CCDC63: variants seen among roughly 807,000 people sequenced by gnomAD.
CCDC63 encodes coiled-coil domain containing 63.
A neutral mutation model predicts 63.6 loss-of-function variants in CCDC63; 54 were observed. The ratio of observed to expected loss-of-function variants is 0.85; its 90% CI spans 0.68 to 1.07. CCDC63 has a LOEUF of 1.07. Ranked by LOEUF, CCDC63 falls within the 50% of genes least tolerant of loss-of-function variation. CCDC63 has a pLI of 0.00. For missense variants in CCDC63, 637 were observed against 689.6 expected (o/e 0.92, Z 0.86); for synonymous variants, 253 against 266.1 (o/e 0.95, Z 0.48).
chr12:110,893,025 TG>T, intron 8 of CCDC63, 50 bp from the exon 9 acceptor site: 1 of 1,445,230 alleles, frequency 6.9e-7, no homozygotes, highest in Non-Finnish European at 9.7e-7. Context: ...TTGGGAGCAG[TG>T]GGGAGGGAAG....
Position 110,881,141 on chromosome 12 carries a change from C to A in CCDC63, c.698C>A (p.Ala233Asp), listed in dbSNP as rs1167397300. 6.2e-7 allele frequency: 1 copy of A among 1,611,424 alleles called. No individual in the cohort carries two copies. Among genetic ancestry groups the A allele is most frequent in the Non-Finnish European group, 8.5e-7 (1 of 1,179,482 alleles). ...GTGGAGGCCATGGCTCGAATGGCTG[C>A]CATGAAAGACCGCCAGAAGAAGGAC... ...QRVEAMARMA[A>D]MKDRQKKDTS... Residue 233 changes from alanine (A) to aspartate (D), a missense_variant, in exon 7 of 12, where the codon GCC becomes GAC. Coordinates refer to ENST00000308208, the MANE Select transcript of CCDC63 (RefSeq NM_152591.3).
intron 5 of CCDC63, among the ~76,000 whole-genome samples, chr12:110,878,473 C>G (rs1472719460): frequency 6.6e-6 from 1 of 152,050 alleles, no homozygotes; most frequent in African/African-American, 2.4e-5. Flanking sequence ...TGCCATCATG[C>G]CTGGCTAATT....
chr12:110,888,852 T>C (rs1305585219), intron 8 of CCDC63, among the ~76,000 whole-genome samples: 2 of 122,346 alleles, frequency 1.6e-5, no homozygotes, highest in Non-Finnish European at 3.4e-5. Context: ...CTTCCTTCCT[T>C]CCTTCCTTCG....
chr12:110,894,355 G>A (rs570221767), intron 9 of CCDC63, among the ~76,000 whole-genome samples: 15 of 152,280 alleles, frequency 9.9e-5, no homozygotes, highest in African/African-American at 3.1e-4. Flanking sequence ...TGGTCACATT[G>A]CCACCCTAAA....
chr12:110,863,103 C>A, intron 4 of CCDC63, among the ~76,000 whole-genome samples: 1 of 152,102 alleles, frequency 6.6e-6, no homozygotes, highest in East Asian at 1.9e-4. Context: ...CACTGAGGCC[C>A]AGCTATTTGT....
At chr12:110,880,866 G>GTGA (rs1376574921) in intron 6 of CCDC63, among the ~76,000 whole-genome samples, 1 of 143,430 alleles carries the variant, frequency 7.0e-6, no homozygotes, top group African/African-American at 2.6e-5. Flanking sequence ...GGTGGTGGTG[G>GTGA]TGATGATGAT....
chr12:110,868,767 GA>G (rs2071022174), intron 4 of CCDC63, among the ~76,000 whole-genome samples: 1 of 91,542 alleles, frequency 1.1e-5, no homozygotes, highest in Non-Finnish European at 2.2e-5. Context: ...GGGGGAGGGG[GA>G]GGGAGAGGGA....
intron 1 of CCDC63, among the ~76,000 whole-genome samples, chr12:110,852,440 T>C (rs778985950): frequency 6.6e-6 from 1 of 152,146 alleles, no homozygotes; most frequent in Non-Finnish European, 1.5e-5. Flanking sequence ...TTTTGTATTT[T>C]TTGTAGAGAC....
At chr12:110,878,754 C>T (rs2071163774) in intron 5 of CCDC63, among the ~76,000 whole-genome samples, 1 of 152,040 alleles carries the variant, frequency 6.6e-6, no homozygotes, top group African/African-American at 2.4e-5. Context: ...GGGTGTATGC[C>T]CAGGAGAGGG....
At chr12:110,905,453 G>A (rs1201081871) in intron 11 of CCDC63, among the ~76,000 whole-genome samples, 20 of 152,128 alleles carry the variant, frequency 1.3e-4, no homozygotes. Context: ...TTGGAGAGCA[G>A]TTTGGCCACA....
intron 4 of CCDC63, among the ~76,000 whole-genome samples, chr12:110,870,447 G>C (rs1167270077): frequency 6.6e-6 from 1 of 152,130 alleles, no homozygotes; most frequent in Non-Finnish European, 1.5e-5. Context: ...CTAATCCAGG[G>C]CACCAATTTG....
In CCDC63 at chr12:110,881,272, G is replaced by C; in HGVS notation, c.829G>C (p.Glu277Gln). 1 of 1,613,504 alleles carries C rather than the reference G, an allele frequency of 6.2e-7. No individual in the cohort carries two copies. The highest frequency in any genetic ancestry group is 8.5e-7 in the Non-Finnish European group (1 of 1,179,734). Reference protein sequence around the residue: ...LVKLNDRNEFEEQAKREEALK... With the variant: ...LVKLNDRNEFQEQAKREEALK... ...CAAGCTGAATGATCGCAATGAATTC[G>C]AGGAGCAGGCCAAAAGGGAGGAAGG... The change falls in exon 7 of 12, where the codon GAG (glutamate) becomes CAG (glutamine). Residue 277 changes from glutamate to glutamine, a missense_variant. Transcript: ENST00000308208.
intron 3 of CCDC63, among the ~76,000 whole-genome samples, chr12:110,856,200 C>T (rs1412683694): frequency 6.6e-6 from 1 of 151,750 alleles, no homozygotes; most frequent in African/African-American, 2.4e-5. Context: ...ATTCTCCTGC[C>T]TCAGCCTCCT....
At chr12:110,888,454 C>T (rs2071312773) in intron 8 of CCDC63, among the ~76,000 whole-genome samples, 1 of 152,212 alleles carries the variant, frequency 6.6e-6, no homozygotes, top group Non-Finnish European at 1.5e-5. Context: ...GCGCTGCCCT[C>T]TCTGGGCCTC....
intron 4 of CCDC63, among the ~76,000 whole-genome samples, chr12:110,863,980 A>G (rs185706808): frequency 6.6e-6 from 1 of 152,384 alleles, no homozygotes; most frequent in African/African-American, 2.4e-5. Flanking sequence ...AGCCACATTC[A>G]TCCTCACAGA....
At chr12:110,883,882 T>C (rs2071241570) in intron 7 of CCDC63, 148 bp from the exon 8 acceptor site, 2 of 681,170 alleles carry the variant, frequency 2.9e-6, no homozygotes, top group Non-Finnish European at 5.2e-6. Context: ...TCAGGTGATC[T>C]GCCTGCCTCG....
At position 110,857,281 on chromosome 12, in the gene CCDC63, C is replaced by G. The variant is rs112189206; in HGVS notation, c.180-1305C>G. Among the ~76,000 whole-genome samples the G allele has an allele frequency of 3.2e-3, 488 of 151,852 alleles. 3 individuals carry two copies. Among genetic ancestry groups the G allele is most frequent in the African/African-American group, 0.011 (445 of 41,410 alleles). On this transcript the variant is annotated intron_variant, in intron 3 of 11. Transcript: ENST00000308208. ...GCTAGGATTACAGGCGCCCACCACCCCCCCCGGCTAATTTTTTGTATTTTT... is the reference window on the plus strand; with the variant it reads ...GCTAGGATTACAGGCGCCCACCACCGCCCCCGGCTAATTTTTTGTATTTTT...
chr12:110,866,309 C>CATTTTTTT (rs1249584879), intron 4 of CCDC63, among the ~76,000 whole-genome samples: 2 of 137,020 alleles, frequency 1.5e-5, no homozygotes, highest in Non-Finnish European at 3.1e-5. Flanking sequence ...TTAAGCCACT[C>CATTTTTTT]TTTTTTTTTT....
At chr12:110,876,855 G>T (rs1293202526) in intron 5 of CCDC63, among the ~76,000 whole-genome samples, 1 of 143,220 alleles carries the variant, frequency 7.0e-6, no homozygotes, top group African/African-American at 2.6e-5. Flanking sequence ...GCAACATGGT[G>T]AAACTCTGTC....
Sources: allele counts gnomAD v4.1 joint callset (sites outside exome capture counted in the v4.1 genomes callset), GRCh38; gene constraint gnomAD v4.1.1; transcripts MANE v1.5; gene names NCBI Gene and HGNC (gene_info 2026-07-23, HGNC 2026-07-21).